The following LSAMP variants were observed in gnomAD, a reference collection of about 807,000 sequenced individuals.
The protein encoded by LSAMP is limbic system-associated membrane protein.
In LSAMP, 7 loss-of-function variants were observed where a neutral mutation model predicts 38.6. That is an observed-to-expected ratio of 0.18 (90% CI 0.10 to 0.34). The LOEUF is 0.34. Ranked by LOEUF, LSAMP falls within the 10% of genes least tolerant of loss-of-function variation. The probability of loss-of-function intolerance (pLI) is 1.00; values close to 1 mark genes in which losing one functional copy is unlikely to be tolerated. For synonymous variants in LSAMP, 154 were observed against 166.8 expected (o/e 0.92, Z 0.59); for missense variants, 313 against 420.0 (o/e 0.75, Z 2.23).
At chr3:116,308,008 T>A (rs952188467) in intron 1 of LSAMP, among the ~76,000 whole-genome samples, 5 of 151,970 alleles carry the variant, frequency 3.3e-5, no homozygotes, top group African/African-American at 1.2e-4. Context: ...AATAAAGAGA[T>A]GTTTAATGCA....
chr3:115,976,116 T>C (rs1283169901), intron 3 of LSAMP, among the ~76,000 whole-genome samples: 1 of 152,204 alleles, frequency 6.6e-6, no homozygotes, highest in Non-Finnish European at 1.5e-5. Flanking sequence ...TTTCTTCCCA[T>C]TTTAATCTGT....
intron 6 of LSAMP, among the ~76,000 whole-genome samples, chr3:115,838,889 T>C (rs1158010337): frequency 1.3e-5 from 2 of 152,168 alleles, no homozygotes; most frequent in Admixed American, 1.3e-4. Context: ...GACACACCAA[T>C]GAAGATGAAT....
intron 1 of LSAMP, among the ~76,000 whole-genome samples, chr3:116,402,548 A>G (rs1439345532): frequency 6.6e-6 from 1 of 152,174 alleles, no homozygotes; most frequent in African/African-American, 2.4e-5. Context: ...ACATAATTAT[A>G]ACCCTAAAAA....
chr3:116,353,093 G>T (rs1358516895), intron 1 of LSAMP, among the ~76,000 whole-genome samples: 1 of 152,076 alleles, frequency 6.6e-6, no homozygotes, highest in African/African-American at 2.4e-5. Context: ...GAAGTGATTA[G>T]CTAGGATCTG....
intron 3 of LSAMP, among the ~76,000 whole-genome samples, chr3:115,915,085 T>A (rs1319113506): frequency 6.6e-6 from 1 of 152,214 alleles, no homozygotes; most frequent in African/African-American, 2.4e-5. Flanking sequence ...AAAAGGGATG[T>A]CCTCTTACCC....
intron 3 of LSAMP, among the ~76,000 whole-genome samples, chr3:115,889,161 G>A (rs1398667808): frequency 6.6e-6 from 1 of 151,960 alleles, no homozygotes; most frequent in African/African-American, 2.4e-5. Flanking sequence ...GAATGGAAAG[G>A]TGAGCCTGAA....
chr3:115,912,506 C>T (rs143422251), intron 3 of LSAMP, among the ~76,000 whole-genome samples: 1 of 152,268 alleles, frequency 6.6e-6, no homozygotes, highest in African/African-American at 2.4e-5. Context: ...TGGCTCCTTA[C>T]TGGTCAGGGG....
At chr3:116,324,645 G>A (rs941655729) in intron 1 of LSAMP, among the ~76,000 whole-genome samples, 1 of 152,110 alleles carries the variant, frequency 6.6e-6, no homozygotes, top group African/African-American at 2.4e-5. Context: ...TGCTTTCCTT[G>A]AATTCATCCT....
intron 3 of LSAMP, among the ~76,000 whole-genome samples, chr3:115,894,969 G>C (rs1936691327): frequency 8.4e-6 from 1 of 119,670 alleles, no homozygotes; most frequent in South Asian, 3.1e-4. Flanking sequence ...ATTCTCAAGA[G>C]AACCAAATGC....
intron 1 of LSAMP, among the ~76,000 whole-genome samples, chr3:116,146,791 C>T (rs1384405677): frequency 6.6e-6 from 1 of 151,802 alleles, no homozygotes; most frequent in Non-Finnish European, 1.5e-5. Context: ...GAAACAGAAT[C>T]ATATCAATTT....
At chr3:116,237,085 C>T (rs916709982) in intron 1 of LSAMP, among the ~76,000 whole-genome samples, 7 of 151,864 alleles carry the variant, frequency 4.6e-5, no homozygotes, top group Non-Finnish European at 1.0e-4. Flanking sequence ...CTGATCATGA[C>T]ATCAAAAATA....
At chr3:116,068,441 T>TA (rs139620391) in intron 2 of LSAMP, among the ~76,000 whole-genome samples, 11,894 of 149,904 alleles carry the variant, frequency 0.079, 1,498 homozygotes, top group African/African-American at 0.27. Flanking sequence ...GGATATGTGG[T>TA]AAAAAAAAAA....
chr3:115,855,385 A>G (rs912381103), intron 3 of LSAMP, among the ~76,000 whole-genome samples: 13 of 152,230 alleles, frequency 8.5e-5, no homozygotes, highest in Admixed American at 1.3e-4. Flanking sequence ...ATAATAAAAC[A>G]TATCCTTATC....
chr3:116,238,437 C>A (rs974795324), intron 1 of LSAMP, among the ~76,000 whole-genome samples: 7 of 152,112 alleles, frequency 4.6e-5, no homozygotes, highest in Admixed American at 2.6e-4. Flanking sequence ...TAATTGTGAT[C>A]CACACAAATA....
chr3:115,980,498 T>C, intron 3 of LSAMP, among the ~76,000 whole-genome samples: 1 of 152,134 alleles, frequency 6.6e-6, no homozygotes, highest in East Asian at 1.9e-4. Flanking sequence ...AACTTCTACT[T>C]TGAGATTATA....
At chr3:116,398,582 G>A (rs1192953045) in intron 1 of LSAMP, among the ~76,000 whole-genome samples, 1 of 152,138 alleles carries the variant, frequency 6.6e-6, no homozygotes, top group Non-Finnish European at 1.5e-5. Flanking sequence ...AGACTACATG[G>A]GAAAATCACT....
chr3:116,336,222 C>T (rs1576138878), intron 1 of LSAMP, among the ~76,000 whole-genome samples: 2 of 152,032 alleles, frequency 1.3e-5, no homozygotes, highest in Admixed American at 1.3e-4. Flanking sequence ...TTGGCTATGA[C>T]ACCAAAGGCA....
intron 1 of LSAMP, among the ~76,000 whole-genome samples, chr3:116,426,264 A>T (rs1282631640): frequency 3.9e-5 from 6 of 152,122 alleles, no homozygotes; most frequent in Non-Finnish European, 7.4e-5. Context: ...AGCCGGGTGG[A>T]TCACTTGAGG....
chr3:116,071,974 C>CT (rs34359160), intron 2 of LSAMP, among the ~76,000 whole-genome samples: 1,583 of 130,076 alleles, frequency 0.012, 17 homozygotes, highest in African/African-American at 0.025. Flanking sequence ...GTATATGTAG[C>CT]TTTTTTTTTT....
Sources: gnomAD v4.1 joint callset for allele counts (sites outside exome capture counted in the v4.1 genomes callset) on GRCh38, gnomAD v4.1.1 for gene constraint, MANE v1.5 for transcripts, NCBI Gene and HGNC (gene_info 2026-07-23, HGNC 2026-07-21) for gene names.